TACC2: variants seen among roughly 807,000 people sequenced by gnomAD.
The protein encoded by TACC2 is transforming acidic coiled-coil-containing protein 2.
A neutral mutation model predicts 227.3 loss-of-function variants in TACC2; 137 were observed. The observed-to-expected ratio is 0.60, with a 90% CI of 0.52 to 0.69. The LOEUF (loss-of-function observed/expected upper bound fraction) is 0.69. Ranked by LOEUF, TACC2 falls within the 30% of genes least tolerant of loss-of-function variation. The pLI, the probability that TACC2 is intolerant of heterozygous loss-of-function variation, is 0.00. For missense variants in TACC2, 3,470 were observed against 3,694.4 expected, an observed-to-expected ratio of 0.94 and a Z score of 1.57; for synonymous variants, 1,523 against 1,487.5, an observed-to-expected ratio of 1.02 and a Z score of -0.55.
intron 16 of TACC2, among the ~76,000 whole-genome samples, chr10:122,230,999 C>T (rs982904203): frequency 2.0e-5 from 3 of 152,144 alleles, no homozygotes; most frequent in African/African-American, 4.8e-5. Flanking sequence ...TAAGTATTTC[C>T]AGCCTTGTGG....
intron 16 of TACC2, among the ~76,000 whole-genome samples, chr10:122,235,015 C>T (rs1465049554): frequency 2.0e-5 from 3 of 152,046 alleles, no homozygotes; most frequent in Non-Finnish European, 4.4e-5. Flanking sequence ...TTTTATTGCT[C>T]ATTAAAAAAA....
chr10:122,136,543 G>GTAATATA (rs747076679), intron 6 of TACC2, among the ~76,000 whole-genome samples: 1 of 143,256 alleles, frequency 7.0e-6, no homozygotes, highest in African/African-American at 2.6e-5. Context: ...TTGTGTGTGT[G>GTAATATA]TGTATATATA....
chr10:122,090,859 A>G (rs1278593638), intron 5 of TACC2, among the ~76,000 whole-genome samples: 1 of 152,052 alleles, frequency 6.6e-6, no homozygotes, highest in Non-Finnish European at 1.5e-5. Context: ...CTCCCACTTC[A>G]GCCTCCCTAG....
At chr10:122,154,147 C>T (rs11200438) in intron 7 of TACC2, among the ~76,000 whole-genome samples, 3,565 of 152,318 alleles carry the variant, frequency 0.023, 96 homozygotes, top group East Asian at 0.15. Context: ...CGTCTGTGTC[C>T]GCAAGTACAG....
chr10:122,138,940 T>C (rs1333626401), intron 6 of TACC2, among the ~76,000 whole-genome samples: 1 of 152,166 alleles, frequency 6.6e-6, no homozygotes, highest in Non-Finnish European at 1.5e-5. Flanking sequence ...TTTTATCCCT[T>C]GTGTCTCCAC....
intron 11 of TACC2, among the ~76,000 whole-genome samples, chr10:122,221,660 G>T (rs1279262335): frequency 2.0e-5 from 3 of 152,170 alleles, no homozygotes; most frequent in Non-Finnish European, 4.4e-5. Flanking sequence ...ATGTCACTTA[G>T]GTTAAAAGTT....
intron 3 of TACC2, among the ~76,000 whole-genome samples, chr10:122,072,103 C>T (rs1473466326): frequency 1.3e-5 from 2 of 151,056 alleles, no homozygotes; most frequent in South Asian, 2.1e-4. Flanking sequence ...CTCAACCTCC[C>T]GAGTAGCTGG....
chr10:122,094,020 C>A (rs1037033898), intron 5 of TACC2, among the ~76,000 whole-genome samples: 1 of 152,082 alleles, frequency 6.6e-6, no homozygotes, highest in Non-Finnish European at 1.5e-5. Context: ...GGGGGCTCCA[C>A]GAACCCTGCT....
chr10:122,188,655 A>G (rs2140419737), intron 7 of TACC2, among the ~76,000 whole-genome samples: 1 of 152,326 alleles, frequency 6.6e-6, no homozygotes, highest in Admixed American at 6.5e-5. Context: ...ACACCTGGCC[A>G]TAACCCAGGC....
At position 121,999,199 on chromosome 10, in the gene TACC2, G is replaced by T. The variant is rs180938967; in HGVS notation, c.-46+9711G>T. ...AATTTTTTGTATTTTAGTAGAGACA[G>T]GGTTTCACCGTTTTGGCCAGGATGG... On this transcript the variant is annotated intron_variant, in intron 1 of 22. Coordinates refer to ENST00000369005, the MANE Select transcript of TACC2 (RefSeq NM_206862.4). Among the ~76,000 whole-genome samples the T allele has an allele frequency of 3.3e-5, 5 of 152,176 alleles. No individual in the cohort carries two copies. The East Asian group carries it at 9.7e-4, about 30-fold the overall frequency.
intron 3 of TACC2, among the ~76,000 whole-genome samples, chr10:122,073,775 A>G (rs1248205163): frequency 6.6e-6 from 1 of 151,698 alleles, no homozygotes; most frequent in African/African-American, 2.4e-5. Context: ...AGGAAGCTTC[A>G]TTCTTTTTTT....
At chr10:122,081,045 A>G (rs2079420805) in intron 3 of TACC2, among the ~76,000 whole-genome samples, 1 of 152,228 alleles carries the variant, frequency 6.6e-6, no homozygotes, top group African/African-American at 2.4e-5. Flanking sequence ...CATAACAAGT[A>G]TATAGAATCA....
At chr10:122,126,801 C>T (rs897752055) in intron 5 of TACC2, 1 of 152,192 alleles carries the variant, frequency 6.6e-6, no homozygotes. Flanking sequence ...TCATCCCAGC[C>T]TGTAGAATCC....
chr10:122,183,004 GA>G (rs201622572), intron 7 of TACC2, among the ~76,000 whole-genome samples: 4,655 of 152,260 alleles, frequency 0.031, 208 homozygotes, highest in Non-Finnish European at 0.035. Context: ...AGGAGTTCGA[GA>G]CCAGCCTGGC....
chr10:122,148,361 C>T (rs2091658301), intron 7 of TACC2, among the ~76,000 whole-genome samples: 1 of 152,222 alleles, frequency 6.6e-6, no homozygotes, highest in Admixed American at 6.5e-5. Flanking sequence ...GCCTCAGCCT[C>T]CCAAAGTGCT....
intron 17 of TACC2, 94 bp from the exon 18 acceptor site, chr10:122,237,867 T>C: frequency 1.1e-6 from 1 of 927,050 alleles, no homozygotes; most frequent in Non-Finnish European, 1.7e-6. Flanking sequence ...TCATTCCACA[T>C]TTATTCACCG....
rs1241981531 is a variant in TACC2, at chr10:122,085,171, G to A, written c.2671G>A (p.Gly891Arg). The change falls in exon 4 of 23, where the codon GGA becomes AGA. Residue 891 changes from glycine to arginine, a missense_variant. Gly to Arg is a moderately radical substitution (Grantham distance 125, BLOSUM62 -2). Coordinates refer to ENST00000369005, the MANE Select transcript of TACC2 (RefSeq NM_206862.4). ...PQEDNNLPTH[G>R]GQEQALGSEL... The stretch of plus-strand genomic sequence containing the variant: ...GGAAGATAACAACTTGCCCACTCAT[G>A]GAGGACAGGAGCAGGCTTTGGGATC... 1.9e-6 allele frequency: 3 copies of A among 1,614,144 alleles called. No homozygotes were observed. Among genetic ancestry groups the A allele is most frequent in the Middle Eastern group, 1.6e-4 (1 of 6,062 alleles).
Position 122,086,390 on chromosome 10 carries a change from C to G in TACC2, c.3890C>G (p.Pro1297Arg), listed in dbSNP as rs754870626. 6.2e-7 allele frequency: 1 copy of G among 1,613,658 alleles called. No individual in the cohort carries two copies. Among genetic ancestry groups the G allele is most frequent in the Non-Finnish European group, 8.5e-7 (1 of 1,180,016 alleles). ...FAGSLAPLLQ[P>R]GAAGGEIPAV... is the part of the protein sequence containing the mutation. ...GGCTCCCTCGCCCCCCTGTTGCAAC[C>G]AGGAGCTGCAGGTGGGGAAATCCCT... The change falls in exon 4 of 23, where the codon CCA (proline) becomes CGA (arginine). Residue 1297 changes from proline (P) to arginine (R), a missense_variant. By Grantham distance (103) the Pro-to-Arg change is moderately radical. Around this residue, in one of 10 missense-constraint regions of TACC2, gnomAD observed 1,924 missense variants for 1,978.3 expected, o/e 0.97. Coordinates refer to ENST00000369005, the MANE Select transcript of TACC2 (RefSeq NM_206862.4).
chr10:122,248,612 C>G (rs1266708480), intron 19 of TACC2, 31 bp from the exon 20 acceptor site: 1 of 1,611,606 alleles, frequency 6.2e-7, no homozygotes, highest in African/African-American at 1.3e-5. Context: ...TTTCTGGGCT[C>G]CATCATTTGG....
Sources: gnomAD v4.1 joint callset for allele counts (sites outside exome capture counted in the v4.1 genomes callset) on GRCh38, gnomAD v4.1.1 for gene constraint, gnomAD v4.1.1 regional missense constraint, MANE v1.5 for transcripts, NCBI Gene and HGNC (gene_info 2026-07-23, HGNC 2026-07-21) for gene names.